Variants in PDXDC1 observed in about 807,000 individuals in gnomAD.
PDXDC1 encodes the protein pyridoxal dependent decarboxylase domain containing 1, also known as pyridoxal-dependent decarboxylase domain-containing protein 1.
PDXDC1 carries 42 observed loss-of-function variants against 100.1 expected under a neutral mutation model. The observed-to-expected ratio is 0.42, with a 90% confidence interval of 0.33 to 0.54. PDXDC1 has a LOEUF of 0.54. Among genes scored for constraint, PDXDC1 ranks in the 20% least tolerant of loss-of-function variants. The probability of loss-of-function intolerance (pLI) is 0.10; values close to 1 mark genes in which losing one functional copy is unlikely to be tolerated. For missense variants in PDXDC1, 636 were observed against 979.2 expected (o/e 0.65, Z 4.68); for synonymous variants, 260 against 371.7 (o/e 0.70, Z 3.46).
At chr16:15,128,988 T>C (rs1487222789) in intron 16 of PDXDC1, among the ~76,000 whole-genome samples, 6 of 150,260 alleles carry the variant, frequency 4.0e-5, no homozygotes, top group Non-Finnish European at 8.9e-5. Context: ...TTGTATTTTT[T>C]AGTAGAGACA....
At chr16:15,125,749 C>A (rs759741083) in intron 16 of PDXDC1, 1 of 1,502,662 alleles carries the variant, frequency 6.7e-7, no homozygotes, top group Admixed American at 1.8e-5. Flanking sequence ...CGAGTCCAGG[C>A]AGCTGTCGAT....
At position 15,063,078 on chromosome 16, in the gene PDXDC1, C is replaced by T. The variant is rs187163932; in HGVS notation, c.1399+33022C>T. The T allele has an allele frequency of 2.4e-5, 19 of 800,754 alleles. No individual in the cohort carries two copies. In the Admixed American group the frequency reaches 2.6e-4, roughly 11 times the overall value. 49.6% of individuals were successfully genotyped at this position (800,754 alleles called of 1,614,324 possible). ...AGGCTGGTCTCCAGCAATCCTCTGG[C>T]CTTGACCCCCTAAAGTGCGGGGATT... On this transcript the variant is annotated intron_variant, in intron 16 of 16. Transcript: ENST00000535621.
At chr16:15,109,885 G>A (rs1185459237) in intron 16 of PDXDC1, among the ~76,000 whole-genome samples, 1 of 142,466 alleles carries the variant, frequency 7.0e-6, no homozygotes, top group South Asian at 2.3e-4. Flanking sequence ...TGGGTGTGGT[G>A]GCTCACGCCT....
chr16:15,011,631 CTTTTTTTTT>C, intron 8 of PDXDC1, among the ~76,000 whole-genome samples: 4 of 131,302 alleles, frequency 3.0e-5, no homozygotes, highest in African/African-American at 5.6e-5. Context: ...ACATTTTTTT[CTTTTTTTTT>C]TTTTTTTTTT....
intron 5 of PDXDC1, among the ~76,000 whole-genome samples, chr16:15,005,728 C>CT (rs750940139): frequency 2.0e-5 from 3 of 152,280 alleles, no homozygotes; most frequent in Admixed American, 6.5e-5. Context: ...GAGATGGAGT[C>CT]TTACTCTGTC....
intron 1 of PDXDC1, among the ~76,000 whole-genome samples, chr16:14,984,725 A>ACT (rs1968925742): frequency 1.3e-5 from 2 of 151,844 alleles, no homozygotes; most frequent in African/African-American, 4.8e-5. Flanking sequence ...TCAAACTCCT[A>ACT]TCGTGATCCG....
At chr16:15,074,982 G>T in intron 16 of PDXDC1, 4 of 1,029,850 alleles carry the variant, frequency 3.9e-6, no homozygotes, top group Non-Finnish European at 5.5e-6. Context: ...GGGGAAAGCG[G>T]CTCACATCTA....
chr16:15,070,140 T>C (rs1267328828), intron 16 of PDXDC1: 1 of 1,606,072 alleles, frequency 6.2e-7, no homozygotes, highest in African/African-American at 1.3e-5. Flanking sequence ...CTTGGCAGGC[T>C]GAGTAAAATG....
At chr16:15,013,037 G>T (rs1295614202) in intron 8 of PDXDC1, among the ~76,000 whole-genome samples, 1 of 152,228 alleles carries the variant, frequency 6.6e-6, no homozygotes, top group African/African-American at 2.4e-5. Context: ...GGGTGTGGTG[G>T]TGGGCACCTG....
the PDXDC1 span, among the ~76,000 whole-genome samples, chr16:15,145,859 T>G: frequency 1.2e-4 from 19 of 152,342 alleles, no homozygotes; most frequent in East Asian, 3.7e-3. Context: ...GGCAGCGGGC[T>G]GTTTTCATTC....
At chr16:15,041,728 GAACA>G (rs755598115), downstream of PDXDC1, 11 of 1,344,322 alleles carry the variant, frequency 8.2e-6, no homozygotes, top group East Asian at 2.3e-5. Context: ...CTAGTTACCA[GAACA>G]AACTGCTGAG....
At chr16:15,111,455 T>TGA (rs2047056713) in intron 16 of PDXDC1, among the ~76,000 whole-genome samples, 1 of 26,870 alleles carries the variant, frequency 3.7e-5, no homozygotes, top group African/African-American at 9.4e-5. Context: ...AAACTCTGTC[T>TGA]CAAAAAAAAA....
chr16:15,014,488 C>T (rs1287054733), intron 8 of PDXDC1, among the ~76,000 whole-genome samples: 14 of 152,382 alleles, frequency 9.2e-5, no homozygotes, highest in South Asian at 2.1e-4. Context: ...CACAGCAGTA[C>T]GCTTTTATTT....
At chr16:15,019,890 A>G (rs2042048061) in intron 12 of PDXDC1, among the ~76,000 whole-genome samples, 1 of 152,272 alleles carries the variant, frequency 6.6e-6, no homozygotes, top group Non-Finnish European at 1.5e-5. Context: ...AAGCGGGTGG[A>G]TCACAAGGTC....
chr16:15,038,157 T>G lies in PDXDC1; in HGVS notation c.*1882T>G. 2 of 1,613,136 alleles carry G rather than the reference T, an allele frequency of 1.2e-6. No individual in the cohort carries two copies. The highest frequency in any genetic ancestry group is 1.7e-6 in the Non-Finnish European group (2 of 1,179,366). On this transcript the variant is annotated 3_prime_UTR_variant, in exon 23 of 23. Transcript: ENST00000396410. Reference sequence around the variant, plus strand: ...GTTTTTTTAAAAACATCAAGGTAGATCTAATATGTTCAACAAAGTGGGGTG... The same window carrying G: ...GTTTTTTTAAAAACATCAAGGTAGAGCTAATATGTTCAACAAAGTGGGGTG...
chr16:14,976,906 TG>T (rs1374344720), intron 1 of PDXDC1: 1 of 152,314 alleles, frequency 6.6e-6, no homozygotes, highest in Non-Finnish European at 1.5e-5. Flanking sequence ...CCTAAGAAGG[TG>T]GGTGGGCTTC....
chr16:15,055,708 G>C (rs1047086892), intron 16 of PDXDC1: 1 of 376,354 alleles, frequency 2.7e-6, no homozygotes. Context: ...GGGGCAGCCC[G>C]CTGAAGTCTA....
intron 16 of PDXDC1, chr16:15,104,866 C>T: frequency 2.4e-5 from 36 of 1,520,758 alleles, no homozygotes; most frequent in Non-Finnish European, 3.0e-5. Context: ...ATTTTTGCAC[C>T]TTTCCATCCT....
At chr16:15,128,255 T>C (rs746776606) in intron 16 of PDXDC1, 1 of 1,611,038 alleles carries the variant, frequency 6.2e-7, no homozygotes, top group Non-Finnish European at 8.5e-7. Flanking sequence ...TTCCACACGC[T>C]ACCCAGGCTG....
Sources: gnomAD v4.1 joint callset for allele counts (sites outside exome capture counted in the v4.1 genomes callset) on GRCh38, gnomAD v4.1.1 for gene constraint, MANE v1.5 for transcripts, NCBI Gene and HGNC (gene_info 2026-07-23, HGNC 2026-07-21) for gene names.